MCU: variants seen among roughly 807,000 people sequenced by gnomAD.
MCU encodes the protein calcium uniporter protein, mitochondrial.
A neutral mutation model predicts 45.2 loss-of-function variants in MCU; 12 were observed. The ratio of observed to expected loss-of-function variants is 0.27; its 90% CI spans 0.17 to 0.43. The LOEUF (loss-of-function observed/expected upper bound fraction) is 0.43. MCU is among the 20% of genes least tolerant of loss of function. The pLI is 1.00. For missense variants in MCU, 324 were observed against 436.7 expected, an observed-to-expected ratio of 0.74 and a Z score of 2.30; for synonymous variants, 160 against 165.1, an observed-to-expected ratio of 0.97 and a Z score of 0.24.
intron 2 of MCU, among the ~76,000 whole-genome samples, chr10:72,839,440 C>T (rs1371467573): frequency 6.6e-6 from 1 of 152,054 alleles, no homozygotes; most frequent in East Asian, 1.9e-4. Context: ...AAACCTTTTC[C>T]AAAAATGTCG....
chr10:72,855,910 A>G (rs1386570607), intron 2 of MCU, among the ~76,000 whole-genome samples: 4 of 152,314 alleles, frequency 2.6e-5, no homozygotes, highest in South Asian at 2.1e-4. Context: ...AAGATATACT[A>G]TGAAAACATG....
At chr10:72,879,332 A>C (rs529170750) in intron 6 of MCU, among the ~76,000 whole-genome samples, 2 of 152,348 alleles carry the variant, frequency 1.3e-5, no homozygotes, top group African/African-American at 4.8e-5. Context: ...AGCCAAAGCC[A>C]AATGGAAAAA....
intron 1 of MCU, among the ~76,000 whole-genome samples, chr10:72,818,187 C>T (rs1048126909): frequency 6.6e-6 from 1 of 152,220 alleles, no homozygotes; most frequent in Non-Finnish European, 1.5e-5. Context: ...AAAAGTTCCT[C>T]TCTAACCTAG....
At chr10:72,713,454 A>G (rs1842919465) in intron 1 of MCU, among the ~76,000 whole-genome samples, 1 of 151,996 alleles carries the variant, frequency 6.6e-6, no homozygotes, top group African/African-American at 2.4e-5. Context: ...TAGTTTTAGT[A>G]TTTTTAGTAG....
Position 72,739,179 on chromosome 10 carries a change from G to A in MCU, c.150+46878G>A, listed in dbSNP as rs150792470. On this transcript the variant is annotated intron_variant, in intron 1 of 7. Transcript: ENST00000373053. Reference sequence around the variant, plus strand: ...AATTGAGAGAGTCTAGGTGTAATGTGCCTTAACATTTTTTTTGACTACTAG... The same window carrying A: ...AATTGAGAGAGTCTAGGTGTAATGTACCTTAACATTTTTTTTGACTACTAG... Among the ~76,000 whole-genome samples, 873 of 152,204 alleles carry A rather than the reference G, an allele frequency of 5.7e-3. 12 individuals are homozygous for A. The highest frequency in any genetic ancestry group is 0.02 in the African/African-American group (821 of 41,556).
chr10:72,724,574 A>G (rs958762643), intron 1 of MCU, among the ~76,000 whole-genome samples: 4 of 152,104 alleles, frequency 2.6e-5, no homozygotes, highest in African/African-American at 9.7e-5. Flanking sequence ...TGGACATTCA[A>G]CTCTTAGGCA....
intron 1 of MCU, among the ~76,000 whole-genome samples, chr10:72,709,144 C>G (rs1564534728): frequency 6.6e-6 from 1 of 152,120 alleles, no homozygotes; most frequent in Non-Finnish European, 1.5e-5. Context: ...TAGATTCTTT[C>G]TGTATATATA....
intron 1 of MCU, among the ~76,000 whole-genome samples, chr10:72,716,625 T>C (rs985187046): frequency 1.3e-5 from 2 of 152,020 alleles, no homozygotes; most frequent in East Asian, 3.9e-4. Context: ...AGCTCACACA[T>C]GTAATCTGAA....
chr10:72,751,623 T>C (rs993377367), intron 1 of MCU, among the ~76,000 whole-genome samples: 1 of 151,926 alleles, frequency 6.6e-6, no homozygotes, highest in Non-Finnish European at 1.5e-5. Flanking sequence ...CCCAAAGTGC[T>C]GGGATTACGG....
chr10:72,785,919 G>A (rs920228176), intron 1 of MCU, among the ~76,000 whole-genome samples: 3 of 152,178 alleles, frequency 2.0e-5, no homozygotes, highest in South Asian at 2.1e-4. Flanking sequence ...CTATGGGAAT[G>A]TATTGCACGC....
At chr10:72,795,235 T>A (rs1236635265) in intron 1 of MCU, among the ~76,000 whole-genome samples, 1 of 152,120 alleles carries the variant, frequency 6.6e-6, no homozygotes, top group Non-Finnish European at 1.5e-5. Flanking sequence ...TCCAATAAAA[T>A]TTTCCTCACT....
At chr10:72,852,260 A>G (rs981633443) in intron 2 of MCU, among the ~76,000 whole-genome samples, 3 of 152,250 alleles carry the variant, frequency 2.0e-5, no homozygotes, top group South Asian at 2.1e-4. Context: ...GAATATAACA[A>G]ATTTTAAAAA....
intron 1 of MCU, chr10:72,715,889 T>A (rs1842950431): frequency 2.0e-6 from 2 of 985,498 alleles, no homozygotes; most frequent in Non-Finnish European, 2.4e-6. Flanking sequence ...CAGGGGAAAC[T>A]TGAACATTCG....
intron 1 of MCU, among the ~76,000 whole-genome samples, chr10:72,758,670 T>A (rs925128328): frequency 4.6e-5 from 7 of 152,194 alleles, no homozygotes; most frequent in African/African-American, 1.7e-4. Flanking sequence ...AATAAACCAA[T>A]GCTTTTGCTG....
At chr10:72,849,558 G>GTATGAA (rs1370650237) in intron 2 of MCU, among the ~76,000 whole-genome samples, 1 of 152,158 alleles carries the variant, frequency 6.6e-6, no homozygotes, top group Admixed American at 6.6e-5. Context: ...GAGACTTTGG[G>GTATGAA]AGGACGTGAG....
At chr10:72,710,740 T>C (rs557076183) in intron 1 of MCU, among the ~76,000 whole-genome samples, 1 of 152,222 alleles carries the variant, frequency 6.6e-6, no homozygotes, top group Non-Finnish European at 1.5e-5. Context: ...TTATAATTGC[T>C]GCCCCCAAGT....
rs183977489 is a variant in MCU, at chr10:72,711,127, C to T, written c.150+18826C>T. 6.8e-3 allele frequency among the ~76,000 whole-genome samples: 1,018 copies of T among 150,588 alleles called. 15 individuals are homozygous for T. Among genetic ancestry groups the T allele is most frequent in the African/African-American group, 0.024 (964 of 40,952 alleles). On this transcript the variant is annotated intron_variant, in intron 1 of 7. Transcript: ENST00000373053. ...CTGGGAGGCAGAGGTTGCAGTGAGC[C>T]GAGATCATGCCATTGCACTCTACCT... is the stretch of plus-strand genomic sequence containing the variant.
intron 1 of MCU, among the ~76,000 whole-genome samples, chr10:72,777,914 A>G (rs548176397): frequency 1.1e-4 from 16 of 152,364 alleles, no homozygotes; most frequent in Admixed American, 9.8e-4. Flanking sequence ...CAAATGGCCA[A>G]ATAGGTGTGT....
intron 6 of MCU, among the ~76,000 whole-genome samples, chr10:72,878,342 A>T (rs1845649371): frequency 6.6e-6 from 1 of 151,844 alleles, no homozygotes; most frequent in Non-Finnish European, 1.5e-5. Context: ...GACCGGTCTC[A>T]AACTCCTGGG....
Sources: allele counts gnomAD v4.1 joint callset (sites outside exome capture counted in the v4.1 genomes callset), GRCh38; gene constraint gnomAD v4.1.1; transcripts MANE v1.5; gene names NCBI Gene and HGNC (gene_info 2026-07-23, HGNC 2026-07-21).